XDH: variants seen among roughly 807,000 people sequenced by gnomAD.
XDH encodes the protein xanthine dehydrogenase/oxidase.
Under a neutral mutation model 156.1 loss-of-function variants are expected in XDH, and 138 were observed. That is an observed-to-expected ratio of 0.88 (90% confidence interval 0.77 to 1.02). XDH has a LOEUF of 1.02. Among genes scored for constraint, XDH ranks in the 50% least tolerant of loss-of-function variants. The pLI is 0.00. For missense variants in XDH, 1,849 were observed against 1,684.9 expected (o/e 1.10, Z -1.71); for synonymous variants, 669 against 625.7 (o/e 1.07, Z -1.03).
intron 16 of XDH, among the ~76,000 whole-genome samples, chr2:31,373,629 T>C (rs1686141810): frequency 6.6e-6 from 1 of 151,416 alleles, no homozygotes; most frequent in Admixed American, 6.6e-5. Context: ...AAAAAAAATC[T>C]GTAAGGAAGA....
chr2:31,395,537 A>C (rs1686879510), intron 6 of XDH, among the ~76,000 whole-genome samples: 2 of 152,242 alleles, frequency 1.3e-5, no homozygotes, highest in African/African-American at 4.8e-5. Flanking sequence ...ATTTTTCTCC[A>C]ACATTTACTG....
At position 31,339,584 on chromosome 2, in the gene XDH, T is replaced by A; in HGVS notation, c.3679A>T (p.Thr1227Ser). 6.2e-7 allele frequency: 1 copy of A among 1,614,142 alleles called. No homozygotes were observed. Among genetic ancestry groups the A allele is most frequent in the Non-Finnish European group, 8.5e-7 (1 of 1,180,026 alleles). ...CTGCCAAATGCCGGGATCTTGTAGG[T>A]GCTAGGGCCACGGGTGTGCAGGCTC... is the stretch of plus-strand genomic sequence containing the variant. ...EGSLHTRGPS[T>S]YKIPAFGSIP... The change falls in exon 34 of 36, where the codon ACC (threonine) becomes TCC (serine). Residue 1227 changes from threonine to serine, a missense_variant. Physicochemically the swap from Thr to Ser is moderately conservative, Grantham distance 58. Coordinates refer to ENST00000379416, the MANE Select transcript of XDH (RefSeq NM_000379.4).
At chr2:31,398,464 C>T in intron 5 of XDH, 109 bp downstream of exon 5, 1 of 1,585,328 alleles carries the variant, frequency 6.3e-7, no homozygotes, top group Non-Finnish European at 8.6e-7. Flanking sequence ...GGGCCTGAGC[C>T]CTTCCTCCAA....
intron 16 of XDH, 77 bp from the exon 17 acceptor site, chr2:31,372,474 G>A (rs1370191053): frequency 4.4e-6 from 7 of 1,594,950 alleles, no homozygotes; most frequent in Non-Finnish European, 6.0e-6. Flanking sequence ...ACACTGGTGA[G>A]CTTCATGCTA....
intron 24 of XDH, among the ~76,000 whole-genome samples, chr2:31,351,439 G>C (rs1169297021): frequency 1.3e-5 from 2 of 151,850 alleles, no homozygotes; most frequent in Non-Finnish European, 2.9e-5. Flanking sequence ...TTCTATCCTA[G>C]AGCCATCTGG....
At chr2:31,397,048 G>A (rs1686928309) in intron 6 of XDH, among the ~76,000 whole-genome samples, 1 of 152,190 alleles carries the variant, frequency 6.6e-6, no homozygotes, top group Non-Finnish European at 1.5e-5. Context: ...AAAACCTGGG[G>A]GGAGATTAAG....
intron 13 of XDH, among the ~76,000 whole-genome samples, chr2:31,378,420 A>G (rs1686338073): frequency 6.6e-6 from 1 of 152,158 alleles, no homozygotes; most frequent in Admixed American, 6.5e-5. Flanking sequence ...AATTCTGATG[A>G]ACACCAAAAT....
At chr2:31,380,302 A>G (rs1686403297) in intron 12 of XDH, among the ~76,000 whole-genome samples, 2 of 152,350 alleles carry the variant, frequency 1.3e-5, no homozygotes, top group Middle Eastern at 3.4e-3. Flanking sequence ...AAGGCAGGAA[A>G]GAGTTAGCAC....
At chr2:31,373,019 A>G (rs1017669548) in intron 16 of XDH, among the ~76,000 whole-genome samples, 1 of 152,210 alleles carries the variant, frequency 6.6e-6, no homozygotes, top group Non-Finnish European at 1.5e-5. Flanking sequence ...AATCATAACA[A>G]TGGCTAATGT....
At chr2:31,374,418 C>T (rs1311800536) in intron 15 of XDH, among the ~76,000 whole-genome samples, 2 of 152,072 alleles carry the variant, frequency 1.3e-5, no homozygotes, top group Non-Finnish European at 2.9e-5. Context: ...AATATATCCA[C>T]ATCAAAAGAT....
chr2:31,406,558 G>A (rs1194543081), intron 1 of XDH, among the ~76,000 whole-genome samples: 3 of 152,198 alleles, frequency 2.0e-5, no homozygotes, highest in Non-Finnish European at 4.4e-5. Context: ...GCCAGACAAT[G>A]TATATACTCA....
At chr2:31,400,728 G>C (rs1687034795) in intron 4 of XDH, among the ~76,000 whole-genome samples, 1 of 152,220 alleles carries the variant, frequency 6.6e-6, no homozygotes, top group African/African-American at 2.4e-5. Context: ...CTAACCTCCA[G>C]TCTAATGAAA....
rs536891248 is a variant in XDH at position 31,398,530 on chromosome 2, C to T, written c.433+43G>A. The T allele has an allele frequency of 1.4e-5, 23 of 1,612,574 alleles. 1 individual carries two copies. In the African/African-American group the frequency reaches 1.5e-4, roughly 10 times the overall value. On this transcript the variant is annotated intron_variant, in intron 5 of 35. Transcript: ENST00000379416. ...ACTTGCCCTGACCTCTGCAGGGCCTCGTTTGCCATTCCACCTCCTAGGCTG... is the reference window on the plus strand; with the variant it reads ...ACTTGCCCTGACCTCTGCAGGGCCTTGTTTGCCATTCCACCTCCTAGGCTG...
chr2:31,341,902 A>G (rs2148750160), intron 32 of XDH, among the ~76,000 whole-genome samples: 1 of 152,322 alleles, frequency 6.6e-6, no homozygotes, highest in South Asian at 2.1e-4. Context: ...CAGTGTCTAT[A>G]AATCATATTT....
In XDH at chr2:31,368,565, T is replaced by G. The variant is rs373759640; in HGVS notation, c.2076A>C (p.Glu692Asp). 3 of 1,614,176 alleles carry G rather than the reference T, an allele frequency of 1.9e-6. No homozygotes were observed. Among genetic ancestry groups the G allele is most frequent in the Non-Finnish European group, 2.5e-6 (3 of 1,180,026 alleles). ...CCTCAATTGTGATAATGGCTGGTAG[T>G]TCTTCATAGGTGATTTTCACCCCTT... The part of the protein sequence containing the change: ...AAQGVKITYE[E>D]LPAIITIEDA... The change falls in exon 19 of 36, where the codon GAA (glutamate) becomes GAC (aspartate). Residue 692 changes from glutamate (E) to aspartate (D), a missense_variant. By Grantham distance (45) the Glu-to-Asp change is conservative (BLOSUM62 2). Transcript: ENST00000379416.
chr2:31,404,899 C>T (rs917386139), intron 2 of XDH, among the ~76,000 whole-genome samples: 4 of 152,162 alleles, frequency 2.6e-5, no homozygotes, highest in African/African-American at 4.8e-5. Context: ...CACTTCTGTG[C>T]GTGTTATAAT....
chr2:31,347,678 AG>A (rs777995302), intron 28 of XDH, 28 bp from the exon 29 acceptor site: 1 of 1,608,278 alleles, frequency 6.2e-7, no homozygotes, highest in East Asian at 2.2e-5. Context: ...ATTGCCCTCT[AG>A]GGAAGGGGTT....
intron 28 of XDH, 126 bp from the exon 29 acceptor site, chr2:31,347,776 A>C: frequency 1.1e-4 from 132 of 1,253,728 alleles, no homozygotes; most frequent in Non-Finnish European, 1.3e-4. Flanking sequence ...CTCTAATCTC[A>C]TTGTCTGGGA....
At chr2:31,338,397 C>T (rs933970119) in intron 34 of XDH, among the ~76,000 whole-genome samples, 1 of 152,162 alleles carries the variant, frequency 6.6e-6, no homozygotes, top group Non-Finnish European at 1.5e-5. Context: ...CCCTAAGCCA[C>T]ACCTATTGGA....
Sources: gnomAD v4.1 joint callset for allele counts (sites outside exome capture counted in the v4.1 genomes callset) on GRCh38, gnomAD v4.1.1 for gene constraint, MANE v1.5 for transcripts, NCBI Gene and HGNC (gene_info 2026-07-23, HGNC 2026-07-21) for gene names.